Variants in ZNF410 observed in about 807,000 individuals in gnomAD.
The protein encoded by ZNF410 is zinc finger protein 410, also known as another partner for ARF 1.
ZNF410 carries 18 observed loss-of-function variants against 54.8 expected under a neutral mutation model. The ratio of observed to expected loss-of-function variants is 0.33; its 90% CI spans 0.23 to 0.49. The LOEUF is 0.49. Among genes scored for constraint, ZNF410 ranks in the 20% least tolerant of loss-of-function variants. The pLI is 0.99. For missense variants in ZNF410, 405 were observed against 569.6 expected (o/e 0.71, Z 2.94); for synonymous variants, 191 against 207.3 (o/e 0.92, Z 0.68).
chr14:73,893,978 C>T (rs761365217), intron 3 of ZNF410, 46 bp downstream of exon 3: 1 of 1,573,386 alleles, frequency 6.4e-7, no homozygotes, highest in Non-Finnish European at 8.6e-7. Context: ...GTCTTAAGAG[C>T]TTAGCCTACT....
At chr14:73,915,757 C>T (rs1358781341) in intron 8 of ZNF410, 1 of 152,156 alleles carries the variant, frequency 6.6e-6, no homozygotes, top group African/African-American at 2.4e-5. Context: ...GGTATTGGAT[C>T]TTGTCAAACA....
intron 2 of ZNF410, among the ~76,000 whole-genome samples, chr14:73,892,609 G>T (rs2055249120): frequency 6.6e-6 from 1 of 151,896 alleles, no homozygotes; most frequent in South Asian, 2.1e-4. Flanking sequence ...TGTGATTGGG[G>T]ATTTAAACAT....
chr14:73,913,537 G>A (rs2140314869), intron 8 of ZNF410: 1 of 152,334 alleles, frequency 6.6e-6, no homozygotes, highest in South Asian at 2.1e-4. Context: ...CACCAGCTAT[G>A]CAAGGCCACA....
chr14:73,896,119 C>T (rs865905559), intron 3 of ZNF410, 197 bp from the exon 4 acceptor site: 68 of 565,522 alleles, frequency 1.2e-4, no homozygotes, highest in African/African-American at 1.1e-3. Context: ...CTGTTCCTCA[C>T]GTTTTGGCTG....
Position 73,931,901 on chromosome 14 carries a change from CA to C in ZNF410, c.*361del, listed in dbSNP as rs1232164531. The C allele has an allele frequency of 6.6e-6, 3 of 456,180 alleles. No individual in the cohort carries two copies. The highest frequency in any genetic ancestry group is 1.3e-5 in the Non-Finnish European group (3 of 226,608). The allele number at this position is 456,180 out of a possible 1,614,324, so 28.3% of individuals were successfully genotyped here. Reference sequence around the variant, plus strand: ...CTTTGAAGAGTTTTCATCCCAGACTCAGCTGTCTTTTCACATGGATGAAATA... The same window carrying C: ...CTTTGAAGAGTTTTCATCCCAGACTCGCTGTCTTTTCACATGGATGAAATA... On this transcript the variant is annotated 3_prime_UTR_variant, in exon 12 of 12. Coordinates refer to ENST00000555044, the MANE Select transcript of ZNF410 (RefSeq NM_021188.3).
At chr14:73,897,400 A>G (rs2055334123) in intron 4 of ZNF410, among the ~76,000 whole-genome samples, 1 of 152,186 alleles carries the variant, frequency 6.6e-6, no homozygotes, top group African/African-American at 2.4e-5. Flanking sequence ...GTTAGGACAT[A>G]TTTAAAGACA....
At chr14:73,912,262 T>C (rs1010277659) in intron 8 of ZNF410, among the ~76,000 whole-genome samples, 1 of 151,218 alleles carries the variant, frequency 6.6e-6, no homozygotes, top group Non-Finnish European at 1.5e-5. Context: ...CTCCGCCTCC[T>C]GGGTTCAAGC....
chr14:73,929,813 T>A (rs887924592), intron 11 of ZNF410, among the ~76,000 whole-genome samples: 7 of 145,176 alleles, frequency 4.8e-5, no homozygotes, highest in Non-Finnish European at 6.1e-5. Flanking sequence ...CCAAACTCTT[T>A]AAAAAAAAAA....
intron 10 of ZNF410, chr14:73,922,903 C>T (rs1566665781): frequency 6.6e-6 from 1 of 152,218 alleles, no homozygotes; most frequent in Non-Finnish European, 1.5e-5. Flanking sequence ...ATCTAGAAAA[C>T]CCCTAGAAGA....
At chr14:73,923,587 G>A in intron 11 of ZNF410, 65 bp downstream of exon 11, 1 of 1,544,946 alleles carries the variant, frequency 6.5e-7, no homozygotes, top group Non-Finnish European at 8.7e-7. Flanking sequence ...AGAATTTAGA[G>A]GACCTGAAAA....
In ZNF410 at chr14:73,915,218, C is replaced by T. The variant is rs538101571; in HGVS notation, c.1004-5762C>T. Among the ~76,000 whole-genome samples, 205 of 148,146 alleles carry T rather than the reference C, an allele frequency of 1.4e-3. 1 individual carries two copies. The highest frequency in any genetic ancestry group is 2.1e-3 in the Non-Finnish European group (144 of 67,332). Reference sequence around the variant, plus strand: ...TGGAGGTTGCAGTGAGTCGAGATCGCGCCACTGCACTCTAGCCTGGGTGAT... The same window carrying T: ...TGGAGGTTGCAGTGAGTCGAGATCGTGCCACTGCACTCTAGCCTGGGTGAT... On this transcript the variant is annotated intron_variant, in intron 8 of 11. Coordinates refer to ENST00000555044, the MANE Select transcript of ZNF410 (RefSeq NM_021188.3).
At chr14:73,925,633 G>T (rs2055818889) in intron 11 of ZNF410, among the ~76,000 whole-genome samples, 1 of 151,992 alleles carries the variant, frequency 6.6e-6, no homozygotes, top group Non-Finnish European at 1.5e-5. Flanking sequence ...TTACCCTGTT[G>T]GCCAGGCTAG....
At chr14:73,911,142 T>G (rs891755477) in intron 8 of ZNF410, among the ~76,000 whole-genome samples, 8 of 152,180 alleles carry the variant, frequency 5.3e-5, no homozygotes, top group African/African-American at 1.9e-4. Flanking sequence ...ATAACTTTTT[T>G]TAGTAGACCT....
chr14:73,903,645 C>A, intron 5 of ZNF410: 1 of 291,986 alleles, frequency 3.4e-6, no homozygotes, highest in Non-Finnish European at 6.5e-6. Context: ...GCCACCATGC[C>A]TGTCTAATTT....
chr14:73,921,263 A>G, intron 9 of ZNF410, 158 bp downstream of exon 9: 1 of 821,984 alleles, frequency 1.2e-6, no homozygotes, highest in Non-Finnish European at 1.8e-6. Context: ...ATAGCTATAC[A>G]GTAGAATCAT....
Position 73,922,113 on chromosome 14 carries a change from A to G in ZNF410, c.1177A>G (p.Ser393Gly), listed in dbSNP as rs1566665335. 6.2e-7 allele frequency: 1 copy of G among 1,614,174 alleles called. No homozygotes were observed. Among genetic ancestry groups the G allele is most frequent in the Non-Finnish European group, 8.5e-7 (1 of 1,180,032 alleles). Residue 393 changes from serine to glycine, a missense_variant, in exon 10 of 12, where the codon AGT becomes GGT. By Grantham distance (56) the Ser-to-Gly change is moderately conservative (BLOSUM62 0). Coordinates refer to ENST00000555044, the MANE Select transcript of ZNF410 (RefSeq NM_021188.3). ...TTTGCTTGAAGAGGCTTCAGTACCC[A>G]GTAAAAACCTGGTGTCTATGAATTC... ...SSLLEEASVP[S>G]KNLVSMNSQP...
At position 73,898,204 on chromosome 14, in the gene ZNF410, C is replaced by G; in HGVS notation, c.522C>G (p.Asp174Glu). Reference sequence around the variant, plus strand: ...TCCGGGTTCAGGAGTTGGCCCATGACAGTTTGATTGCTGCTACTCGTGCAC... The same window carrying G: ...TCCGGGTTCAGGAGTTGGCCCATGAGAGTTTGATTGCTGCTACTCGTGCAC... ...WFLRVQELAH[D>E]SLIAATRAQL... The change falls in exon 5 of 12, where the codon GAC becomes GAG. Residue 174 changes from aspartate (D) to glutamate (E), a missense_variant. By Grantham distance (45) the Asp-to-Glu change is conservative. Around this residue, in one of 3 missense-constraint regions of ZNF410, gnomAD observed 247 missense variants for 342.8 expected, o/e 0.72. Coordinates refer to ENST00000555044, the MANE Select transcript of ZNF410 (RefSeq NM_021188.3). The G allele has an allele frequency of 1.2e-6, 2 of 1,614,104 alleles. No individual in the cohort carries two copies. Among genetic ancestry groups the G allele is most frequent in the South Asian group, 1.1e-5 (1 of 91,076 alleles).
chr14:73,931,218 CACTG>C (rs1192455383), intron 11 of ZNF410, among the ~76,000 whole-genome samples: 14 of 152,152 alleles, frequency 9.2e-5, no homozygotes, highest in African/African-American at 3.4e-4. Context: ...ATTCCTCTGT[CACTG>C]ACTGATGAGT....
At position 73,905,023 on chromosome 14, in the gene ZNF410, G is replaced by A; in HGVS notation, c.853G>A (p.Gly285Ser). 3.7e-6 allele frequency: 6 copies of A among 1,614,044 alleles called. No individual in the cohort carries two copies. Among genetic ancestry groups the A allele is most frequent in the Non-Finnish European group, 5.1e-6 (6 of 1,180,030 alleles). ...GAAGCCCTTTATGTGCCATGAGTCT[G>A]GCTGTGGTAAGCAGTTTACTACAGC... ...GEKPFMCHES[G>S]CGKQFTTAGN... The change falls in exon 7 of 12, where the codon GGC becomes AGC. Residue 285 changes from glycine (G) to serine (S), a missense_variant. Gly to Ser is a moderately conservative substitution (Grantham distance 56, BLOSUM62 0). Transcript: ENST00000555044.
Sources: allele counts gnomAD v4.1 joint callset (sites outside exome capture counted in the v4.1 genomes callset), GRCh38; gene constraint gnomAD v4.1.1; regional missense constraint gnomAD v4.1.1; transcripts MANE v1.5; gene names NCBI Gene and HGNC (gene_info 2026-07-23, HGNC 2026-07-21).